CNTN4: variants seen among roughly 807,000 people sequenced by gnomAD.
CNTN4 encodes the protein contactin-4.
CNTN4 carries 77 observed loss-of-function variants against 122.5 expected under a neutral mutation model. The observed-to-expected ratio is 0.63, with a 90% confidence interval of 0.52 to 0.76. The LOEUF (loss-of-function observed/expected upper bound fraction) is 0.76. Ranked by LOEUF, CNTN4 falls within the 30% of genes least tolerant of loss-of-function variation. The probability of loss-of-function intolerance (pLI) is 0.00; values close to 1 mark genes in which losing one functional copy is unlikely to be tolerated. For synonymous variants in CNTN4, 512 were observed against 447.0 expected (o/e 1.15, Z -1.83); for missense variants, 1,256 against 1,259.1 (o/e 1.00, Z 0.04).
chr3:2,202,432 T>C lies in CNTN4; in HGVS notation c.-145+101793T>C, dbSNP rs544005035. Among the ~76,000 whole-genome samples, 10 of 152,016 alleles carry C rather than the reference T, an allele frequency of 6.6e-5. No homozygotes were observed. The South Asian group carries it at 1.5e-3, about 22-fold the overall frequency. On this transcript the variant is annotated intron_variant, in intron 2 of 24. Coordinates refer to ENST00000418658, the MANE Select transcript of CNTN4 (RefSeq NM_175607.3). ...ACTTGGGCAAGTCATTTACCTTGAA[T>C]TTCAGCTTAGAGGCAGGATTGTTAA...
In CNTN4 at chr3:2,234,678, TAAAG is replaced by T. The variant is rs200641082; in HGVS notation, c.-144-104496_-144-104493del. On this transcript the variant is annotated intron_variant, in intron 2 of 24. Transcript: ENST00000418658. ...GATGCATTGTTGATTGCCTTTGTCATAAAGAAATTTTATTTGAATCTTTATCAGC... is the reference window on the plus strand; with the variant it reads ...GATGCATTGTTGATTGCCTTTGTCATAAATTTTATTTGAATCTTTATCAGC... Among the ~76,000 whole-genome samples the T allele has an allele frequency of 3.0e-3, 461 of 152,306 alleles. 4 individuals carry two copies. Among genetic ancestry groups the T allele is most frequent in the East Asian group, 0.015 (78 of 5,176 alleles).
At chr3:2,871,815 A>G (rs1244964225) in intron 8 of CNTN4, among the ~76,000 whole-genome samples, 1 of 152,186 alleles carries the variant, frequency 6.6e-6, no homozygotes, top group Non-Finnish European at 1.5e-5. Flanking sequence ...GAATTATTTC[A>G]AATAACTATA....
chr3:2,505,760 G>A (rs1479118183), intron 3 of CNTN4, among the ~76,000 whole-genome samples: 1 of 152,192 alleles, frequency 6.6e-6, no homozygotes, highest in Non-Finnish European at 1.5e-5. Flanking sequence ...GTAGAAAGGT[G>A]TGAATTTAGG....
rs67731967 is a variant in CNTN4 at position 2,820,961 on chromosome 3, C to CTTTTTTTTTTTTTTTTTTTT, written c.454+1398_454+1399insTTTTTTTTTTTTTTTTTTTT. On this transcript the variant is annotated intron_variant, in intron 7 of 24. Transcript: ENST00000418658. ...TTCTCACATGCAACATTTTCTCTTT[C>CTTTTTTTTTTTTTTTTTTTT]TTTTTTTTTTTTTTTTTTGAGACAG... is the stretch of plus-strand genomic sequence containing the variant. Among the ~76,000 whole-genome samples, 34 of 107,558 alleles carry CTTTTTTTTTTTTTTTTTTTT rather than the reference C, an allele frequency of 3.2e-4. 2 individuals are homozygous for CTTTTTTTTTTTTTTTTTTTT. Among genetic ancestry groups the CTTTTTTTTTTTTTTTTTTTT allele is most frequent in the Middle Eastern group, 6.5e-3 (1 of 154 alleles). The allele number at this position is 107,558 out of a possible 152,430, so 70.6% of individuals were successfully genotyped here. A position where few individuals can be genotyped will look rare whatever the true frequency, so the allele number is the denominator to read the frequency against.
Position 2,594,492 on chromosome 3 carries a change from C to G in CNTN4, c.55+22934C>G, listed in dbSNP as rs534006538. 5.2e-4 allele frequency among the ~76,000 whole-genome samples: 78 copies of G among 149,326 alleles called. 1 individual carries two copies. The Middle Eastern group carries it at 0.014, about 27-fold the overall frequency. On this transcript the variant is annotated intron_variant, in intron 4 of 24. Transcript: ENST00000418658. ...GTAGTGCAGTGGCACGATCTCGGCT[C>G]ACTGCAACCTCCCTCTCCCAGGCTC... is the stretch of plus-strand genomic sequence containing the variant.
At chr3:2,631,962 G>A (rs923850364) in intron 4 of CNTN4, among the ~76,000 whole-genome samples, 1 of 151,836 alleles carries the variant, frequency 6.6e-6, no homozygotes, top group Non-Finnish European at 1.5e-5. Context: ...TGAGTGAGAG[G>A]ATCGCTTGAG....
intron 2 of CNTN4, among the ~76,000 whole-genome samples, chr3:2,183,603 T>C (rs1205356358): frequency 6.6e-6 from 1 of 152,174 alleles, no homozygotes; most frequent in Non-Finnish European, 1.5e-5. Context: ...CGAGAGACAA[T>C]AGAGAATCTA....
At chr3:2,443,148 TAAAAAAA>T (rs10576200) in intron 3 of CNTN4, among the ~76,000 whole-genome samples, 1 of 139,876 alleles carries the variant, frequency 7.1e-6, no homozygotes. Flanking sequence ...AAATAAAAGT[TAAAAAAA>T]AAAAAAAAGA....
chr3:2,909,453 CA>C (rs2094275732), intron 12 of CNTN4, among the ~76,000 whole-genome samples: 1 of 151,410 alleles, frequency 6.6e-6, no homozygotes, highest in Non-Finnish European at 1.5e-5. Context: ...GTATCCATAC[CA>C]AACACTTAGA....
At chr3:2,222,125 G>T (rs1575112387) in intron 2 of CNTN4, among the ~76,000 whole-genome samples, 1 of 152,132 alleles carries the variant, frequency 6.6e-6, no homozygotes, top group African/African-American at 2.4e-5. Context: ...ATGATTCATA[G>T]TTGCCAAAAA....
intron 4 of CNTN4, among the ~76,000 whole-genome samples, chr3:2,721,249 G>C (rs1018002146): frequency 6.6e-6 from 1 of 152,172 alleles, no homozygotes; most frequent in Non-Finnish European, 1.5e-5. Context: ...TGGGATTACA[G>C]ACGTGAGCCA....
Position 2,767,665 on chromosome 3 carries a change from G to A in CNTN4, c.358+21968G>A, listed in dbSNP as rs577647026. 1.2e-4 allele frequency among the ~76,000 whole-genome samples: 18 copies of A among 152,240 alleles called. No individual in the cohort carries two copies. The South Asian group carries it at 2.9e-3, about 25-fold the overall frequency. On this transcript the variant is annotated intron_variant, in intron 6 of 24. Coordinates refer to ENST00000418658, the MANE Select transcript of CNTN4 (RefSeq NM_175607.3). ...GATTAGAAAAATGTTCTACTTGAGCGTACCAAACTAATCCCAAACAGTGAA... is the reference window on the plus strand; with the variant it reads ...GATTAGAAAAATGTTCTACTTGAGCATACCAAACTAATCCCAAACAGTGAA...
rs558623587 is a variant in CNTN4 at position 2,703,316 on chromosome 3, T to C, written c.56-32899T>C. ...GGTACAGTATGAGTATATATTGCAA[T>C]GTTTGTGCATCACTGAATATAATAG... is the stretch of plus-strand genomic sequence containing the variant. On this transcript the variant is annotated intron_variant, in intron 4 of 24. Coordinates refer to ENST00000418658, the MANE Select transcript of CNTN4 (RefSeq NM_175607.3). Among the ~76,000 whole-genome samples the C allele has an allele frequency of 2.6e-5, 4 of 152,310 alleles. No homozygotes were observed. The East Asian group carries it at 7.7e-4, about 29-fold the overall frequency.
rs151122064 is a variant in CNTN4, at chr3:3,025,271, A to G, written c.1487-831A>G. ...AAGCGAATTGATGGTCCTTATTTTT[A>G]AAAAGTAATATACCTGTATCATTTT... On this transcript the variant is annotated intron_variant, in intron 14 of 24. Transcript: ENST00000418658. Among the ~76,000 whole-genome samples, 315 of 152,306 alleles carry G rather than the reference A, an allele frequency of 2.1e-3. 2 individuals carry two copies. Among genetic ancestry groups the G allele is most frequent in the African/African-American group, 7.1e-3 (294 of 41,562 alleles).
intron 2 of CNTN4, among the ~76,000 whole-genome samples, chr3:2,273,499 T>G (rs1017030984): frequency 1.3e-5 from 2 of 152,212 alleles, no homozygotes; most frequent in African/African-American, 4.8e-5. Flanking sequence ...TTGGTCTTAT[T>G]CGTAGCAACT....
At chr3:2,743,466 A>G (rs2089581623) in intron 5 of CNTN4, among the ~76,000 whole-genome samples, 1 of 152,132 alleles carries the variant, frequency 6.6e-6, no homozygotes, top group Non-Finnish European at 1.5e-5. Flanking sequence ...GAGGTACCTC[A>G]TGTTTCTATT....
chr3:2,126,458 G>A (rs746445462), intron 2 of CNTN4, among the ~76,000 whole-genome samples: 4 of 151,930 alleles, frequency 2.6e-5, no homozygotes, highest in Non-Finnish European at 5.9e-5. Context: ...TAGGTATCTG[G>A]GTTTCTAGTA....
chr3:2,714,201 A>T lies in CNTN4; in HGVS notation c.56-22014A>T, dbSNP rs189201255. Among the ~76,000 whole-genome samples the T allele has an allele frequency of 8.4e-4, 128 of 152,238 alleles. 1 individual carries two copies. The highest frequency in any genetic ancestry group is 2.8e-3 in the African/African-American group (118 of 41,554). ...TCTAAATTTCACAACAATTTTTTTA[A>T]AAAAATCAGTATTATTAATAAATAT... On this transcript the variant is annotated intron_variant, in intron 4 of 24. Transcript: ENST00000418658.
chr3:2,949,393 G>T (rs1039278551), intron 13 of CNTN4, among the ~76,000 whole-genome samples: 2 of 152,220 alleles, frequency 1.3e-5, no homozygotes, highest in East Asian at 1.9e-4. Context: ...TCTGCCTAAC[G>T]TCTAGTACTT....
Sources: allele counts gnomAD v4.1 joint callset (sites outside exome capture counted in the v4.1 genomes callset), GRCh38; gene constraint gnomAD v4.1.1; transcripts MANE v1.5; gene names NCBI Gene and HGNC (gene_info 2026-07-23, HGNC 2026-07-21).